FSTL4: variants seen among roughly 807,000 people sequenced by gnomAD.
The protein encoded by FSTL4 is follistatin like 4.
In FSTL4, 28 loss-of-function variants were observed where a neutral mutation model predicts 78.2. The ratio of observed to expected loss-of-function variants is 0.36; its 90% CI spans 0.27 to 0.49. The LOEUF is 0.49. Ranked by LOEUF, FSTL4 falls within the 20% of genes least tolerant of loss-of-function variation. The pLI is 0.98. For synonymous variants in FSTL4, 422 were observed against 440.5 expected (o/e 0.96, Z 0.53); for missense variants, 922 against 1,084.9 (o/e 0.85, Z 2.11).
the FSTL4 span, among the ~76,000 whole-genome samples, chr5:133,667,448 T>C: frequency 1.9e-4 from 29 of 152,346 alleles, no homozygotes; most frequent in Middle Eastern, 3.4e-3. Flanking sequence ...TGTAAATCCT[T>C]TGTGGCCTCC....
In FSTL4 at chr5:133,352,819, G is replaced by GTATGTACC. The variant is rs566840828; in HGVS notation, c.410-36175_410-36168dup. ...ATGGCTGCGTAGTATTCCATGGTGT[G>GTATGTACC]TATGTACCACATTTTTAAAAAATCC... is the stretch of plus-strand genomic sequence containing the variant. On this transcript the variant is annotated intron_variant, in intron 4 of 15. Transcript: ENST00000265342. Among the ~76,000 whole-genome samples, 838 of 152,256 alleles carry GTATGTACC rather than the reference G, an allele frequency of 5.5e-3. 5 individuals are homozygous for GTATGTACC. Among genetic ancestry groups the GTATGTACC allele is most frequent in the African/African-American group, 0.019 (802 of 41,542 alleles).
rs1750328894 is a variant in FSTL4 at position 133,201,822 on chromosome 5, TG to T, written c.1826+110del. On this transcript the variant is annotated intron_variant, in intron 15 of 15. Transcript: ENST00000265342. ...TTCGTGATGGGGTCCAAATCCAGCATGGGAGTGGAGGAGACAGAGAAATGAG... is the reference window on the plus strand; with the variant it reads ...TTCGTGATGGGGTCCAAATCCAGCATGGAGTGGAGGAGACAGAGAAATGAG... The T allele has an allele frequency of 8.1e-6, 5 of 617,364 alleles. No individual in the cohort carries two copies. In the East Asian group the frequency reaches 1.3e-4, roughly 16 times the overall value. 38.2% of individuals were successfully genotyped at this position (617,364 alleles called of 1,614,324 possible).
the FSTL4 span, among the ~76,000 whole-genome samples, chr5:133,699,979 G>A: frequency 3.3e-5 from 5 of 151,560 alleles, no homozygotes; most frequent in South Asian, 4.2e-4. Context: ...GCCTGGGCTC[G>A]GTTGTACCAG....
chr5:133,676,166 A>G, the FSTL4 span, among the ~76,000 whole-genome samples: 1 of 152,262 alleles, frequency 6.6e-6, no homozygotes, highest in Non-Finnish European at 1.5e-5. Flanking sequence ...CTTTCTGCAC[A>G]TTATATTTGT....
chr5:133,360,332 C>G (rs942270683), intron 4 of FSTL4, among the ~76,000 whole-genome samples: 1 of 152,244 alleles, frequency 6.6e-6, no homozygotes, highest in African/African-American at 2.4e-5. Context: ...GCTCTAAGAT[C>G]TGACCTTAAC....
chr5:133,473,435 G>A (rs1259068123), intron 3 of FSTL4, among the ~76,000 whole-genome samples: 1 of 152,120 alleles, frequency 6.6e-6, no homozygotes, highest in African/African-American at 2.4e-5. Flanking sequence ...GACCAGTCAT[G>A]CTTGACCCCG....
chr5:133,392,017 T>C lies in FSTL4; in HGVS notation c.409+8721A>G, dbSNP rs142025869. Reference sequence around the variant, plus strand: ...GTATCTGATGCATAGTACATGAATATTGCTGAACAACTGGACAGAAGGGTT... The same window carrying C: ...GTATCTGATGCATAGTACATGAATACTGCTGAACAACTGGACAGAAGGGTT... On this transcript the variant is annotated intron_variant, in intron 4 of 15. Transcript: ENST00000265342. 4.3e-4 allele frequency among the ~76,000 whole-genome samples: 66 copies of C among 152,310 alleles called. No individual in the cohort carries two copies. In the East Asian group the frequency reaches 8.3e-3, roughly 19 times the overall value.
the FSTL4 span, among the ~76,000 whole-genome samples, chr5:133,839,337 G>T: frequency 2.6e-5 from 4 of 152,306 alleles, no homozygotes; most frequent in East Asian, 7.7e-4. Flanking sequence ...ACTGCACAAA[G>T]AATATTCTGT....
chr5:133,394,731 G>C lies in FSTL4; in HGVS notation c.409+6007C>G, dbSNP rs147557739. Among the ~76,000 whole-genome samples, 1,333 of 152,374 alleles carry C rather than the reference G, an allele frequency of 8.7e-3. 22 individuals are homozygous for C. Among genetic ancestry groups the C allele is most frequent in the African/African-American group, 0.03 (1,235 of 41,590 alleles). The stretch of plus-strand genomic sequence containing the variant: ...CCATTGACCGCCCAAGGGCTGAGGA[G>C]TGCGGGTGCACTGCGCGGGACTGGC... On this transcript the variant is annotated intron_variant, in intron 4 of 15. Transcript: ENST00000265342.
intron 4 of FSTL4, among the ~76,000 whole-genome samples, chr5:133,396,198 C>T (rs142444419): frequency 4.2e-4 from 64 of 152,284 alleles, no homozygotes; most frequent in Middle Eastern, 6.8e-3. Context: ...TTGAATAAGC[C>T]GTGATGTTAC....
the FSTL4 span, among the ~76,000 whole-genome samples, chr5:133,756,694 G>A: frequency 6.6e-6 from 1 of 152,140 alleles, no homozygotes; most frequent in Admixed American, 6.5e-5. Context: ...GAGGCAGGGA[G>A]GGTAGAGTTG....
Position 133,198,504 on chromosome 5 carries a change from A to G in FSTL4, c.*591T>C, listed in dbSNP as rs977190808. On this transcript the variant is annotated 3_prime_UTR_variant, in exon 16 of 16. Transcript: ENST00000265342. ...ATTTTTTTTTAATCAAAAATTTCCA[A>G]AATAAAGTGAGTGATTTCCCCATCC... is the stretch of plus-strand genomic sequence containing the variant. 6.6e-6 allele frequency: 1 copy of G among 152,544 alleles called. No individual in the cohort carries two copies. The highest frequency in any genetic ancestry group is 2.4e-5 in the African/African-American group (1 of 41,408). 9.4% of individuals were successfully genotyped at this position (152,544 alleles called of 1,614,324 possible). A position where few individuals can be genotyped will look rare whatever the true frequency, so the allele number is the denominator to read the frequency against.
At chr5:133,658,135 T>G in the FSTL4 span, among the ~76,000 whole-genome samples, 1 of 152,284 alleles carries the variant, frequency 6.6e-6, no homozygotes, top group African/African-American at 2.4e-5. Context: ...AATTCTAACT[T>G]GATTGCATGT....
chr5:133,768,981 T>G, the FSTL4 span, among the ~76,000 whole-genome samples: 33 of 152,350 alleles, frequency 2.2e-4, no homozygotes, highest in African/African-American at 6.3e-4. Flanking sequence ...GCTACACTGC[T>G]TCTCCAAATA....
At chr5:133,564,382 AT>A (rs886595437) in intron 3 of FSTL4, among the ~76,000 whole-genome samples, 4 of 152,182 alleles carry the variant, frequency 2.6e-5, no homozygotes, top group African/African-American at 9.7e-5. Flanking sequence ...GCCATAGAAC[AT>A]TTCTTTAAAG....
the FSTL4 span, among the ~76,000 whole-genome samples, chr5:133,759,756 C>T: frequency 2.0e-5 from 3 of 152,224 alleles, no homozygotes; most frequent in Non-Finnish European, 4.4e-5. Context: ...CACAGGTCTA[C>T]TTAACATTGT....
At chr5:133,392,566 T>C (rs1177461472) in intron 4 of FSTL4, among the ~76,000 whole-genome samples, 1 of 152,070 alleles carries the variant, frequency 6.6e-6, no homozygotes. Flanking sequence ...GTGCAGACCC[T>C]AGAGGGCAGA....
the FSTL4 span, among the ~76,000 whole-genome samples, chr5:133,649,577 G>GT: frequency 6.6e-6 from 1 of 152,244 alleles, no homozygotes; most frequent in South Asian, 2.1e-4. Context: ...ATATCTCATT[G>GT]TTGTTTTAAT....
At chr5:133,521,659 AT>A (rs1158474129) in intron 3 of FSTL4, among the ~76,000 whole-genome samples, 1 of 152,182 alleles carries the variant, frequency 6.6e-6, no homozygotes, top group African/African-American at 2.4e-5. Context: ...TTCCTTTTCT[AT>A]TTTATTGCCC....
Sources: gnomAD v4.1 joint callset for allele counts (sites outside exome capture counted in the v4.1 genomes callset) on GRCh38, gnomAD v4.1.1 for gene constraint, MANE v1.5 for transcripts, NCBI Gene and HGNC (gene_info 2026-07-23, HGNC 2026-07-21) for gene names.